Variants in CUBN observed in about 807,000 individuals in gnomAD.
CUBN encodes the protein 460 kDa receptor.
A neutral mutation model predicts 405.3 loss-of-function variants in CUBN; 282 were observed. The observed-to-expected ratio is 0.70, with a 90% CI of 0.63 to 0.77. The LOEUF is 0.77. Among genes scored for constraint, CUBN ranks in the 30% least tolerant of loss-of-function variants. The pLI is 0.00. For synonymous variants in CUBN, 1,684 were observed against 1,617.0 expected (o/e 1.04, Z -0.99); for missense variants, 4,514 against 4,475.2 (o/e 1.01, Z -0.25).
At chr10:16,836,834 T>C (rs1052960113) in intron 62 of CUBN, among the ~76,000 whole-genome samples, 1 of 152,148 alleles carries the variant, frequency 6.6e-6, no homozygotes, top group Non-Finnish European at 1.5e-5. Flanking sequence ...GGTTCCACTG[T>C]ACATCCCCCA....
intron 31 of CUBN, among the ~76,000 whole-genome samples, chr10:16,968,076 A>G (rs1843453494): frequency 6.6e-6 from 1 of 152,208 alleles, no homozygotes; most frequent in Non-Finnish European, 1.5e-5. Flanking sequence ...TTTGTAAAAC[A>G]GTAAATATTT....
intron 14 of CUBN, among the ~76,000 whole-genome samples, chr10:17,095,427 C>G (rs1450009594): frequency 1.3e-5 from 2 of 151,920 alleles, no homozygotes; most frequent in Non-Finnish European, 1.5e-5. Flanking sequence ...CTAACCCAAT[C>G]TTAAAAATGG....
intron 66 of CUBN, among the ~76,000 whole-genome samples, chr10:16,827,250 A>G (rs1481343818): frequency 1.3e-5 from 2 of 152,234 alleles, no homozygotes; most frequent in Non-Finnish European, 2.9e-5. Flanking sequence ...TCCAAAACTT[A>G]AATATGATGC....
chr10:16,887,263 T>G (rs1413372431), intron 56 of CUBN, among the ~76,000 whole-genome samples: 1 of 152,226 alleles, frequency 6.6e-6, no homozygotes, highest in Non-Finnish European at 1.5e-5. Context: ...AAAGCTATGT[T>G]AACATGAAAC....
chr10:16,824,857 A>G lies in CUBN; in HGVS notation c.*118T>C. 1 of 774,974 alleles carries G rather than the reference A, an allele frequency of 1.3e-6. No homozygotes were observed. Among genetic ancestry groups the G allele is most frequent in the Non-Finnish European group, 2.2e-6 (1 of 444,616 alleles). 48.0% of individuals were successfully genotyped at this position (774,974 alleles called of 1,614,324 possible). ...GATTCTATCCATGGTTTGGTGAAAA[A>G]CCATACAAGTTCAGCTTATTCTCTG... On this transcript the variant is annotated 3_prime_UTR_variant, in exon 67 of 67. Coordinates refer to ENST00000377833, the MANE Select transcript of CUBN (RefSeq NM_001081.4).
chr10:17,024,196 A>G (rs1174668154), intron 27 of CUBN, among the ~76,000 whole-genome samples: 2 of 152,188 alleles, frequency 1.3e-5, no homozygotes, highest in Non-Finnish European at 2.9e-5. Flanking sequence ...AAAGGGGAGG[A>G]TATAACACTA....
chr10:17,002,327 A>G (rs1833915450), intron 28 of CUBN, among the ~76,000 whole-genome samples: 1 of 152,188 alleles, frequency 6.6e-6, no homozygotes, highest in Non-Finnish European at 1.5e-5. Context: ...TATTGGGGAT[A>G]TTGTTGCCAG....
chr10:17,072,558 AT>A (rs1445787950), intron 17 of CUBN, among the ~76,000 whole-genome samples: 1 of 152,056 alleles, frequency 6.6e-6, no homozygotes, highest in Non-Finnish European at 1.5e-5. Flanking sequence ...TCTATGTACA[AT>A]TTTTTTAAGT....
intron 6 of CUBN, 143 bp from the exon 7 acceptor site, chr10:17,115,740 C>A: frequency 9.9e-7 from 1 of 1,010,540 alleles, no homozygotes. Context: ...AATTTACTGA[C>A]TGGAGTCTCG....
intron 31 of CUBN, among the ~76,000 whole-genome samples, chr10:16,980,683 G>A (rs998495646): frequency 6.6e-6 from 1 of 152,102 alleles, no homozygotes; most frequent in Non-Finnish European, 1.5e-5. Context: ...ACACACCGGT[G>A]CCTGTCGAGG....
Position 17,044,187 on chromosome 10 carries a change from AT to A in CUBN, c.3673-205del, listed in dbSNP as rs544258992. 9.9e-4 allele frequency among the ~76,000 whole-genome samples: 145 copies of A among 146,890 alleles called. 2 individuals carry two copies. In the South Asian group the frequency reaches 0.029, roughly 30 times the overall value. On this transcript the variant is annotated intron_variant, in intron 25 of 66. Coordinates refer to ENST00000377833, the MANE Select transcript of CUBN (RefSeq NM_001081.4). The stretch of plus-strand genomic sequence containing the variant: ...TAAAATAAATTTATTTAATACATAT[AT>A]TTTTATATATGTATTCAACACATAT...
intron 17 of CUBN, among the ~76,000 whole-genome samples, chr10:17,078,939 G>A (rs944349244): frequency 5.3e-5 from 8 of 152,164 alleles, no homozygotes; most frequent in African/African-American, 1.9e-4. Context: ...TGGGTTTGCA[G>A]CTTCTACATG....
chr10:16,971,421 C>T (rs914823109), intron 31 of CUBN, among the ~76,000 whole-genome samples: 3 of 152,224 alleles, frequency 2.0e-5, no homozygotes, highest in African/African-American at 4.8e-5. Flanking sequence ...GGTTCCAAAC[C>T]TCTGCAGACC....
At chr10:17,119,496 C>T (rs1040655523) in intron 6 of CUBN, among the ~76,000 whole-genome samples, 1 of 152,112 alleles carries the variant, frequency 6.6e-6, no homozygotes, top group Non-Finnish European at 1.5e-5. Flanking sequence ...CCCATCTCTA[C>T]TAAAAATACA....
chr10:16,968,451 C>T (rs1024816830), intron 31 of CUBN, among the ~76,000 whole-genome samples: 4 of 152,144 alleles, frequency 2.6e-5, no homozygotes, highest in African/African-American at 7.2e-5. Context: ...TGTTAGCCCT[C>T]GTTTGTGTTT....
chr10:16,939,909 G>A, intron 37 of CUBN, 123 bp downstream of exon 37: 2 of 920,940 alleles, frequency 2.2e-6, no homozygotes. Flanking sequence ...AATTCACAAA[G>A]ACAATGTAGG....
intron 39 of CUBN, among the ~76,000 whole-genome samples, chr10:16,935,804 C>A (rs539437500): frequency 7.6e-6 from 1 of 132,428 alleles, no homozygotes; most frequent in East Asian, 2.5e-4. Context: ...GGTATGAACT[C>A]GGGAGGCGGA....
chr10:17,047,436 A>G lies in CUBN; in HGVS notation c.3307T>C (p.Tyr1103His). 1 of 1,613,660 alleles carries G rather than the reference A, an allele frequency of 6.2e-7. No individual in the cohort carries two copies. The highest frequency in any genetic ancestry group is 8.5e-7 in the Non-Finnish European group (1 of 1,179,570). ...GACCTGATTTCCAGAAAATCTGTAT[A>G]ATAGTTTCCAATGGCTTCCTCCAAG... ...FSLEEAIGNY[Y>H]TDFLEIRDGG... Residue 1103 changes from tyrosine to histidine, a missense_variant, in exon 23 of 67, where the codon TAT becomes CAT. Physicochemically the swap from Tyr to His is moderately conservative, Grantham distance 83 (BLOSUM62 2). This residue lies in a region of CUBN where 1,448 missense variants were observed against 1,388.0 expected (regional missense o/e 1.04). Coordinates refer to ENST00000377833, the MANE Select transcript of CUBN (RefSeq NM_001081.4).
intron 47 of CUBN, 109 bp downstream of exon 47, chr10:16,914,923 T>C (rs1406391978): frequency 1.0e-6 from 1 of 957,870 alleles, no homozygotes; most frequent in South Asian, 1.4e-5. Context: ...TCCAAGAAAA[T>C]AGGGGTCATG....
Sources: gnomAD v4.1 joint callset for allele counts (sites outside exome capture counted in the v4.1 genomes callset) on GRCh38, gnomAD v4.1.1 for gene constraint, gnomAD v4.1.1 regional missense constraint, MANE v1.5 for transcripts, NCBI Gene and HGNC (gene_info 2026-07-23, HGNC 2026-07-21) for gene names.